Variants in TANC1 observed in about 807,000 individuals in gnomAD.
TANC1 encodes the protein protein TANC1.
Under a neutral mutation model 149.7 loss-of-function variants are expected in TANC1, and 77 were observed. That is an observed-to-expected ratio of 0.51 (90% CI 0.43 to 0.62). The LOEUF is 0.62. TANC1 is among the 20% of genes least tolerant of loss of function. The probability of loss-of-function intolerance (pLI) is 0.00; values close to 1 mark genes in which losing one functional copy is unlikely to be tolerated. For synonymous variants in TANC1, 854 were observed against 925.0 expected (o/e 0.92, Z 1.39); for missense variants, 1,985 against 2,321.8 (o/e 0.85, Z 2.98).
intron 1 of TANC1, among the ~76,000 whole-genome samples, chr2:158,992,292 G>C (rs1002547436): frequency 1.3e-5 from 2 of 151,536 alleles, no homozygotes; most frequent in African/African-American, 2.4e-5. Flanking sequence ...TGAGCCCAGG[G>C]AGGTAGAGGC....
At chr2:159,047,026 T>C (rs531789580) in intron 2 of TANC1, among the ~76,000 whole-genome samples, 5 of 152,298 alleles carry the variant, frequency 3.3e-5, no homozygotes, top group South Asian at 2.1e-4. Flanking sequence ...CTCAGCCTTT[T>C]TGGGGGAGAC....
intron 6 of TANC1, chr2:159,149,485 C>A: frequency 1.7e-6 from 1 of 590,996 alleles, no homozygotes; most frequent in Non-Finnish European, 3.0e-6. Flanking sequence ...AAGAAAATGT[C>A]CACATTAACC....
intron 2 of TANC1, among the ~76,000 whole-genome samples, chr2:159,028,882 C>T (rs1278254363): frequency 1.3e-5 from 2 of 152,168 alleles, no homozygotes; most frequent in Non-Finnish European, 2.9e-5. Context: ...TCCTCTCAAG[C>T]AGCTGAGACT....
chr2:159,118,365 A>G (rs1027028558), intron 4 of TANC1, among the ~76,000 whole-genome samples: 6 of 152,146 alleles, frequency 3.9e-5, no homozygotes, highest in Non-Finnish European at 7.4e-5. Flanking sequence ...TGGAGGATCT[A>G]TGTAAATTGT....
intron 1 of TANC1, among the ~76,000 whole-genome samples, chr2:158,994,655 T>G (rs2149295473): frequency 6.6e-6 from 1 of 152,372 alleles, no homozygotes; most frequent in East Asian, 1.9e-4. Flanking sequence ...TGTCTCAATT[T>G]GAGATCTTCA....
At chr2:159,085,047 G>A (rs2044695886) in intron 3 of TANC1, among the ~76,000 whole-genome samples, 1 of 152,174 alleles carries the variant, frequency 6.6e-6, no homozygotes, top group Admixed American at 6.5e-5. Flanking sequence ...TCAAGTTAAT[G>A]TATTGCTGTG....
intron 2 of TANC1, among the ~76,000 whole-genome samples, chr2:159,046,983 C>T (rs956535410): frequency 2.0e-5 from 3 of 152,060 alleles, no homozygotes; most frequent in Admixed American, 6.5e-5. Context: ...CCTTATGTTC[C>T]TGGTTCATCC....
Position 158,979,630 on chromosome 2 carries a change from G to T in TANC1, c.-126+10848G>T, listed in dbSNP as rs141632556. Among the ~76,000 whole-genome samples the T allele has an allele frequency of 4.2e-3, 636 of 152,116 alleles. 2 individuals carry two copies. The highest frequency in any genetic ancestry group is 0.015 in the African/African-American group (610 of 41,510). ...AAGAGCTTTGATTTCAAGGTTTTTT[G>T]TTGTTGTTGTTCTTGGCTACTGTAA... On this transcript the variant is annotated intron_variant, in intron 1 of 26. Coordinates refer to ENST00000263635, the MANE Select transcript of TANC1 (RefSeq NM_033394.3).
intron 2 of TANC1, among the ~76,000 whole-genome samples, chr2:159,051,651 TTGTGTGTGTGTGTGTG>T (rs58015346): frequency 2.1e-5 from 3 of 142,862 alleles, no homozygotes; most frequent in East Asian, 2.1e-4. Context: ...GAAGTGGTGT[TTGTGTGTGTGTGTGTG>T]TGTGTGTGTG....
At chr2:159,224,699 A>G in intron 23 of TANC1, 1 of 262,276 alleles carries the variant, frequency 3.8e-6, no homozygotes, top group South Asian at 6.9e-5. Context: ...GACTCTGAGC[A>G]GCAGCGGAGG....
intron 4 of TANC1, among the ~76,000 whole-genome samples, chr2:159,111,254 G>A (rs1195765738): frequency 6.6e-6 from 1 of 152,208 alleles, no homozygotes; most frequent in Non-Finnish European, 1.5e-5. Context: ...AGCTGATGGA[G>A]AGTATAAATG....
intron 19 of TANC1, among the ~76,000 whole-genome samples, chr2:159,216,315 T>C (rs1185945640): frequency 1.3e-5 from 2 of 152,124 alleles, no homozygotes; most frequent in Non-Finnish European, 2.9e-5. Flanking sequence ...ACTGGAAATA[T>C]ATAGGTTCGA....
At chr2:159,179,911 G>A (rs2056303144) in intron 14 of TANC1, among the ~76,000 whole-genome samples, 1 of 152,332 alleles carries the variant, frequency 6.6e-6, no homozygotes, top group South Asian at 2.1e-4. Context: ...ACTTGGCCCT[G>A]GCTTTGGCCT....
At chr2:159,019,027 G>GAC (rs2038551268) in intron 2 of TANC1, among the ~76,000 whole-genome samples, 1 of 152,192 alleles carries the variant, frequency 6.6e-6, no homozygotes, top group South Asian at 2.1e-4. Context: ...ATAACACATT[G>GAC]ACACTCATGC....
At chr2:159,166,889 G>A (rs978246540) in intron 8 of TANC1, among the ~76,000 whole-genome samples, 5 of 152,200 alleles carry the variant, frequency 3.3e-5, no homozygotes, top group Admixed American at 6.5e-5. Context: ...TTGAAATTGA[G>A]AATCAGCCAA....
chr2:159,130,785 C>T (rs890258398), intron 4 of TANC1, among the ~76,000 whole-genome samples: 6 of 152,190 alleles, frequency 3.9e-5, no homozygotes, highest in African/African-American at 9.7e-5. Flanking sequence ...CCTCGAACTC[C>T]TGGGCTTAGG....
At chr2:159,019,616 G>T in intron 2 of TANC1, among the ~76,000 whole-genome samples, 1 of 139,588 alleles carries the variant, frequency 7.2e-6, no homozygotes, top group African/African-American at 2.7e-5. Flanking sequence ...GGGTCTTGAT[G>T]ATCTTTGCTT....
intron 4 of TANC1, among the ~76,000 whole-genome samples, chr2:159,105,351 G>A (rs536608770): frequency 6.6e-6 from 1 of 152,114 alleles, no homozygotes; most frequent in Non-Finnish European, 1.5e-5. Context: ...TATTCCTGGT[G>A]TGAATATTTT....
chr2:159,148,429 G>T (rs1191874763), intron 5 of TANC1: 3 of 152,238 alleles, frequency 2.0e-5, no homozygotes, highest in Non-Finnish European at 4.4e-5. Context: ...GAGAACCCAA[G>T]AAAAGGTGGG....
Sources: allele counts gnomAD v4.1 joint callset (sites outside exome capture counted in the v4.1 genomes callset), GRCh38; gene constraint gnomAD v4.1.1; transcripts MANE v1.5; gene names NCBI Gene and HGNC (gene_info 2026-07-23, HGNC 2026-07-21).